RIT2: variants seen among roughly 807,000 people sequenced by gnomAD.
RIT2 encodes the protein GTP-binding protein Rit2.
A neutral mutation model predicts 23.7 loss-of-function variants in RIT2; 24 were observed. The ratio of observed to expected loss-of-function variants is 1.01; its 90% CI spans 0.73 to 1.43. The LOEUF (loss-of-function observed/expected upper bound fraction) is 1.43. Ranked by LOEUF, RIT2 falls within the 40% of genes most tolerant of loss-of-function variation. RIT2 has a pLI of 0.00. For synonymous variants in RIT2, 107 were observed against 91.1 expected (o/e 1.17, Z -0.99); for missense variants, 236 against 266.9 (o/e 0.88, Z 0.81).
intron 3 of RIT2, among the ~76,000 whole-genome samples, chr18:42,947,264 A>G (rs1430652801): frequency 6.6e-6 from 1 of 152,078 alleles, no homozygotes; most frequent in Non-Finnish European, 1.5e-5. Flanking sequence ...CCATTTGGAG[A>G]GTAAGCTTAA....
chr18:43,085,147 C>G (rs1913252039), intron 1 of RIT2, among the ~76,000 whole-genome samples: 1 of 151,572 alleles, frequency 6.6e-6, no homozygotes, highest in East Asian at 1.9e-4. Context: ...TTATTGACTA[C>G]TCTTATATAG....
At chr18:43,021,687 TA>T (rs1439722330) in intron 2 of RIT2, among the ~76,000 whole-genome samples, 1 of 152,092 alleles carries the variant, frequency 6.6e-6, no homozygotes, top group Non-Finnish European at 1.5e-5. Context: ...TCCAGCCATG[TA>T]AAACGTGCCT....
At chr18:42,902,696 G>A (rs921895460) in intron 4 of RIT2, among the ~76,000 whole-genome samples, 3 of 151,490 alleles carry the variant, frequency 2.0e-5, no homozygotes, top group Non-Finnish European at 4.4e-5. Flanking sequence ...TATGTTTGTG[G>A]AAAACTGGGG....
At chr18:42,806,589 G>A (rs557992185) in intron 4 of RIT2, among the ~76,000 whole-genome samples, 3 of 152,228 alleles carry the variant, frequency 2.0e-5, no homozygotes, top group South Asian at 2.1e-4. Flanking sequence ...TTGTGCTAAC[G>A]GGCCAGCAAC....
chr18:42,745,768 G>A (rs1005320065), intron 4 of RIT2, among the ~76,000 whole-genome samples: 2 of 152,048 alleles, frequency 1.3e-5, no homozygotes, highest in Admixed American at 6.6e-5. Context: ...TTACCAAATG[G>A]TATGACACTG....
intron 1 of RIT2, among the ~76,000 whole-genome samples, chr18:43,072,500 G>C (rs1372502616): frequency 6.6e-6 from 1 of 152,138 alleles, no homozygotes; most frequent in Non-Finnish European, 1.5e-5. Context: ...AGACAAATGG[G>C]AAGAAACTCT....
intron 1 of RIT2, among the ~76,000 whole-genome samples, chr18:43,081,200 T>C (rs1913149881): frequency 1.3e-5 from 2 of 152,164 alleles, no homozygotes; most frequent in African/African-American, 4.8e-5. Context: ...TATTTTACCC[T>C]TTGGATGTTT....
At chr18:42,784,491 T>C (rs540865177) in intron 4 of RIT2, among the ~76,000 whole-genome samples, 2 of 152,170 alleles carry the variant, frequency 1.3e-5, no homozygotes, top group African/African-American at 2.4e-5. Context: ...TTATAGGTAT[T>C]GAATGAGAAG....
At chr18:43,048,955 A>T (rs1275727612) in intron 1 of RIT2, among the ~76,000 whole-genome samples, 1 of 152,194 alleles carries the variant, frequency 6.6e-6, no homozygotes, top group Non-Finnish European at 1.5e-5. Context: ...GGTTTCTAAA[A>T]TTGTTTCAAC....
chr18:43,108,011 A>AC (rs1444943551), intron 1 of RIT2, among the ~76,000 whole-genome samples: 1 of 149,696 alleles, frequency 6.7e-6, no homozygotes, highest in Non-Finnish European at 1.5e-5. Flanking sequence ...AAAATACAAA[A>AC]AAAAAAAAAA....
intron 1 of RIT2, among the ~76,000 whole-genome samples, chr18:43,093,602 G>T (rs1913476620): frequency 6.6e-6 from 1 of 151,986 alleles, no homozygotes; most frequent in Non-Finnish European, 1.5e-5. Context: ...TATCCTGGAG[G>T]TGATGAAACC....
intron 3 of RIT2, among the ~76,000 whole-genome samples, chr18:42,954,990 G>A (rs533067411): frequency 6.0e-4 from 92 of 152,144 alleles, no homozygotes; most frequent in Admixed American, 1.3e-3. Flanking sequence ...TATCAGACAA[G>A]CTATGTGAAG....
chr18:43,026,576 G>GAAAA (rs1555652886), intron 2 of RIT2, among the ~76,000 whole-genome samples: 1 of 23,392 alleles, frequency 4.3e-5, no homozygotes, highest in Non-Finnish European at 9.6e-5. Context: ...AAATAAATAA[G>GAAAA]AAAGAAAGAA....
At chr18:42,940,537 A>T (rs561654558) in intron 3 of RIT2, among the ~76,000 whole-genome samples, 2 of 151,608 alleles carry the variant, frequency 1.3e-5, no homozygotes, top group South Asian at 4.2e-4. Flanking sequence ...GTATCTTTTC[A>T]ATGTAAGTAA....
intron 1 of RIT2, among the ~76,000 whole-genome samples, chr18:43,111,027 G>A (rs917808478): frequency 4.6e-5 from 7 of 152,066 alleles, no homozygotes; most frequent in African/African-American, 1.7e-4. Context: ...AGCAACAATA[G>A]CCAAGATTTG....
chr18:43,087,272 G>C (rs903619940), intron 1 of RIT2, among the ~76,000 whole-genome samples: 2 of 151,890 alleles, frequency 1.3e-5, no homozygotes, highest in Non-Finnish European at 2.9e-5. Flanking sequence ...AAAAAGTAAA[G>C]AGTAGGTATT....
chr18:42,967,445 C>T (rs1910255936), intron 3 of RIT2, among the ~76,000 whole-genome samples: 1 of 151,582 alleles, frequency 6.6e-6, no homozygotes, highest in Non-Finnish European at 1.5e-5. Flanking sequence ...TCTCGGCTCA[C>T]TGAAAGCTCC....
chr18:42,985,733 A>G (rs1200509626), intron 2 of RIT2, among the ~76,000 whole-genome samples: 1 of 152,122 alleles, frequency 6.6e-6, no homozygotes, highest in Non-Finnish European at 1.5e-5. Context: ...TACACTATAT[A>G]CAATAAAGAA....
At chr18:42,799,431 C>T (rs1049517786) in intron 4 of RIT2, among the ~76,000 whole-genome samples, 5 of 152,196 alleles carry the variant, frequency 3.3e-5, no homozygotes, top group East Asian at 1.9e-4. Flanking sequence ...TCCAAATTAA[C>T]TTACTAATCT....
Sources: allele counts gnomAD v4.1 joint callset (sites outside exome capture counted in the v4.1 genomes callset), GRCh38; gene constraint gnomAD v4.1.1; transcripts MANE v1.5; gene names NCBI Gene and HGNC (gene_info 2026-07-23, HGNC 2026-07-21).